Variants in GPHN observed in about 807,000 individuals in gnomAD.
GPHN encodes the protein gephyrin.
In GPHN, 17 loss-of-function variants were observed where a neutral mutation model predicts 95.5. That is an observed-to-expected ratio of 0.18 (90% CI 0.12 to 0.27). GPHN has a LOEUF of 0.27. GPHN is among the 10% of genes least tolerant of loss of function. The probability of loss-of-function intolerance (pLI) is 1.00; values close to 1 mark genes in which losing one functional copy is unlikely to be tolerated. For missense variants in GPHN, 660 were observed against 978.1 expected, an observed-to-expected ratio of 0.67 and a Z score of 4.34; for synonymous variants, 320 against 322.5, an observed-to-expected ratio of 0.99 and a Z score of 0.08.
chr14:67,696,647 A>G, the GPHN span, among the ~76,000 whole-genome samples: 15,860 of 152,058 alleles, frequency 0.1, 904 homozygotes, highest in Middle Eastern at 0.21. Context: ...GGTTTTGCCA[A>G]CTCGTGAAAG....
At chr14:66,548,126 T>TC (rs1461522455) in intron 1 of GPHN, among the ~76,000 whole-genome samples, 1 of 152,064 alleles carries the variant, frequency 6.6e-6, no homozygotes, top group African/African-American at 2.4e-5. Flanking sequence ...TTTTTCATTA[T>TC]CATATCTGTT....
At chr14:67,456,160 A>G in the GPHN span, among the ~76,000 whole-genome samples, 1 of 152,234 alleles carries the variant, frequency 6.6e-6, no homozygotes, top group Non-Finnish European at 1.5e-5. Flanking sequence ...GGCAAAAGAC[A>G]TGAAGAGACA....
the GPHN span, among the ~76,000 whole-genome samples, chr14:67,366,724 A>G: frequency 2.6e-5 from 4 of 152,298 alleles, no homozygotes; most frequent in Non-Finnish European, 5.9e-5. Context: ...AAGCCTTTCA[A>G]CGTAAATGCC....
At chr14:67,624,375 T>G in the GPHN span, among the ~76,000 whole-genome samples, 2 of 152,220 alleles carry the variant, frequency 1.3e-5, no homozygotes, top group African/African-American at 4.8e-5. Flanking sequence ...CTTGTACTTT[T>G]GTAAAGACAT....
rs1003701648 is a variant in GPHN, at chr14:66,599,647, C to T, written c.65-81460C>T. On this transcript the variant is annotated intron_variant, in intron 1 of 22. Coordinates refer to ENST00000478722, the MANE Select transcript of GPHN (RefSeq NM_020806.5). ...TTATATTGCTTGCAAATAAAGATTACTTTCCTTCTTTTTCTTCCATTTTTG... is the reference window on the plus strand; with the variant it reads ...TTATATTGCTTGCAAATAAAGATTATTTTCCTTCTTTTTCTTCCATTTTTG... 6.6e-5 allele frequency among the ~76,000 whole-genome samples: 10 copies of T among 151,738 alleles called. 1 individual carries two copies. In the South Asian group the frequency reaches 1.7e-3, roughly 25 times the overall value.
At chr14:67,625,790 T>C in the GPHN span, among the ~76,000 whole-genome samples, 18 of 147,020 alleles carry the variant, frequency 1.2e-4, no homozygotes, top group African/African-American at 4.4e-4. Context: ...GGCAAAATAT[T>C]TGCAAATCAT....
chr14:66,909,026 T>C (rs761538574), intron 5 of GPHN, among the ~76,000 whole-genome samples: 1 of 152,070 alleles, frequency 6.6e-6, no homozygotes, highest in Non-Finnish European at 1.5e-5. Context: ...GTAAGAAGCA[T>C]GAATAAACTG....
chr14:67,051,337 G>A (rs184652981), intron 10 of GPHN, among the ~76,000 whole-genome samples: 130 of 152,330 alleles, frequency 8.5e-4, no homozygotes, highest in Non-Finnish European at 1.3e-3. Flanking sequence ...TAGCTGGATA[G>A]ACCAAGGGAA....
At chr14:66,836,983 T>G (rs1182792570) in intron 4 of GPHN, among the ~76,000 whole-genome samples, 1 of 146,668 alleles carries the variant, frequency 6.8e-6, no homozygotes, top group Non-Finnish European at 1.5e-5. Context: ...GGAACACTTT[T>G]ACACTGTTGG....
At chr14:66,663,564 A>G (rs2065780386) in intron 1 of GPHN, among the ~76,000 whole-genome samples, 1 of 152,178 alleles carries the variant, frequency 6.6e-6, no homozygotes, top group Non-Finnish European at 1.5e-5. Flanking sequence ...AGTAACCACA[A>G]GTTATTTTAA....
chr14:67,225,091 C>T, the GPHN span: 5 of 1,538,160 alleles, frequency 3.3e-6, no homozygotes, highest in Non-Finnish European at 4.4e-6. Context: ...CTTTACTTTC[C>T]TTATTCTTTT....
chr14:67,400,384 G>A, the GPHN span, among the ~76,000 whole-genome samples: 2 of 152,196 alleles, frequency 1.3e-5, no homozygotes, highest in Non-Finnish European at 2.9e-5. Flanking sequence ...TATGGGCATT[G>A]AGAGTTTTAC....
intron 8 of GPHN, among the ~76,000 whole-genome samples, chr14:66,961,365 C>CT (rs767384417): frequency 1.4e-4 from 22 of 151,778 alleles, no homozygotes; most frequent in South Asian, 2.1e-4. Context: ...GGAAGGATTC[C>CT]TTTTAAGACA....
At chr14:67,684,872 C>A in the GPHN span, 2 of 543,478 alleles carry the variant, frequency 3.7e-6, no homozygotes, top group Non-Finnish European at 3.1e-6. Context: ...GTCAAATTCC[C>A]CTACTAAAAG....
the GPHN span, among the ~76,000 whole-genome samples, chr14:67,210,744 G>T: frequency 1.3e-5 from 2 of 151,980 alleles, no homozygotes; most frequent in Non-Finnish European, 2.9e-5. Flanking sequence ...AGGTCATGAT[G>T]GCTCAGACCT....
the GPHN span, among the ~76,000 whole-genome samples, chr14:67,482,165 G>A: frequency 6.6e-6 from 1 of 152,174 alleles, no homozygotes; most frequent in African/African-American, 2.4e-5. Flanking sequence ...AGGTGATGGG[G>A]AAGGGGAAGG....
At chr14:66,630,172 G>A (rs1285571468) in intron 1 of GPHN, among the ~76,000 whole-genome samples, 1 of 152,158 alleles carries the variant, frequency 6.6e-6, no homozygotes, top group Admixed American at 6.5e-5. Context: ...GATAAGATAA[G>A]AGATGCTGAA....
chr14:67,397,774 G>A, the GPHN span: 24 of 1,613,242 alleles, frequency 1.5e-5, no homozygotes, highest in Middle Eastern at 1.6e-4. Context: ...GTACACCAGC[G>A]TGTTCTGCCG....
At chr14:67,313,568 C>T in the GPHN span, among the ~76,000 whole-genome samples, 1 of 152,054 alleles carries the variant, frequency 6.6e-6, no homozygotes, top group Non-Finnish European at 1.5e-5. Flanking sequence ...GAGAGCAGAA[C>T]TAAGGGAAGT....
Sources: gnomAD v4.1 joint callset for allele counts (sites outside exome capture counted in the v4.1 genomes callset) on GRCh38, gnomAD v4.1.1 for gene constraint, MANE v1.5 for transcripts, NCBI Gene and HGNC (gene_info 2026-07-23, HGNC 2026-07-21) for gene names.